Variants in TTN observed in about 807,000 individuals in gnomAD.
TTN encodes titin.
A neutral mutation model predicts 3,223.0 loss-of-function variants in TTN; 1,525 were observed. The ratio of observed to expected loss-of-function variants is 0.47; its 90% confidence interval spans 0.45 to 0.49. The LOEUF (loss-of-function observed/expected upper bound fraction) is 0.49, where lower values mean the gene tolerates loss of function less well. TTN is among the 20% of genes least tolerant of loss of function. The pLI is 0.00. For synonymous variants in TTN, 14,094 were observed against 15,161.0 expected (o/e 0.93, Z 5.17); for missense variants, 40,786 against 43,424.0 (o/e 0.94, Z 5.40).
Position 178,539,236 on chromosome 2 carries a change from G to C in TTN, c.98699C>G (p.Pro32900Arg), listed in dbSNP as rs1348881134. ...ATCGAGTACTTCTGGAGGATTGCTT[G>C]GAGGTTCTGGAGGATCTGTAAATAT... ...PKTPLNPPEP[P>R]SNPPEVLDVT... The change falls in exon 353 of 363, where the codon CCA becomes CGA. Residue 32900 changes from proline (P) to arginine (R), a missense_variant. Transcript: ENST00000589042. 6.2e-7 allele frequency: 1 copy of C among 1,612,880 alleles called. No homozygotes were observed.
intron 236 of TTN, 62 bp from the exon 237 acceptor site, chr2:178,631,362 G>A: frequency 2.0e-6 from 3 of 1,505,392 alleles, no homozygotes; most frequent in Non-Finnish European, 2.6e-6. Flanking sequence ...ACAATCTCTT[G>A]GAAAGTTTAA....
chr2:178,620,002 C>A lies in TTN; in HGVS notation c.46415G>T (p.Arg15472Ile). ...TTAATATGTACCTTCCACAAAAAGT[C>A]TAGCACGAGACTTCCTGTCTTCTAC... Reference protein sequence around the residue: ...CGVEDRKSRARLFVEEIPVEI... With the variant: ...CGVEDRKSRAILFVEEIPVEI... Residue 15472 changes from arginine (R) to isoleucine (I), a missense_variant, in exon 249 of 363, where the codon AGA (arginine) becomes ATA (isoleucine). Physicochemically the swap from Arg to Ile is moderately conservative, Grantham distance 97. Coordinates refer to ENST00000589042, the MANE Select transcript of TTN (RefSeq NM_001267550.2). 6.2e-7 allele frequency: 1 copy of A among 1,610,268 alleles called. No individual in the cohort carries two copies. The highest frequency in any genetic ancestry group is 8.5e-7 in the Non-Finnish European group (1 of 1,178,392).
chr2:178,799,681 G>C lies in TTN; in HGVS notation c.720C>G (p.Val240=), dbSNP rs564392322. ...DARSIATVEM[V]IDGAAGQQLP... The stretch of plus-strand genomic sequence containing the variant: ...GCTGTTGCCCAGCGGCACCATCTAT[G>C]ACCATCTCAACTGTTGCAATTGATC... Residue 240 remains valine, a synonymous_variant, in exon 6 of 363, where the codon GTC becomes GTG. Transcript: ENST00000589042. 3.7e-6 allele frequency: 6 copies of C among 1,614,088 alleles called. No individual in the cohort carries two copies. In the South Asian group the frequency reaches 4.4e-5, roughly 12 times the overall value.
At chr2:178,555,292 T>C in intron 330 of TTN, 140 bp from the exon 331 acceptor site, 1 of 844,564 alleles carries the variant, frequency 1.2e-6, no homozygotes, top group South Asian at 2.1e-5. Flanking sequence ...GCAATTATTA[T>C]TTAAAAATTA....
chr2:178,663,887 T>C lies in TTN; in HGVS notation c.36380A>G (p.Lys12127Arg). 3.1e-6 allele frequency: 5 copies of C among 1,613,400 alleles called. No individual in the cohort carries two copies. In the South Asian group the frequency reaches 4.4e-5, roughly 14 times the overall value. ...CACTTTCTCTTCGCGGATAACCTCT[T>C]TGGAAGCTTCTGGCACTTGAAAGAT... Reference protein sequence around the residue: ...VPPVKVPEASKEVIREEKVPL... With the variant: ...VPPVKVPEASREVIREEKVPL... The change falls in exon 170 of 363, where the codon AAA becomes AGA. Residue 12127 changes from lysine to arginine, a missense_variant. Transcript: ENST00000589042.
chr2:178,756,923 G>T lies in TTN; in HGVS notation c.10679-126C>A, dbSNP rs898248024. On this transcript the variant is annotated intron_variant, in intron 45 of 362. Coordinates refer to ENST00000589042, the MANE Select transcript of TTN (RefSeq NM_001267550.2). ...AAGACGTAGTTGTCACTTGAAAGCA[G>T]CATGCCAGATGCAATATGATCTAGA... 1.1e-5 allele frequency: 9 copies of T among 825,666 alleles called. No homozygotes were observed. In the African/African-American group the frequency reaches 1.4e-4, roughly 13 times the overall value. 51.1% of individuals were successfully genotyped at this position (825,666 alleles called of 1,614,324 possible).
chr2:178,766,659 G>C (rs1467516022), intron 40 of TTN, 47 bp from the exon 41 acceptor site: 2 of 1,482,706 alleles, frequency 1.3e-6, no homozygotes, highest in East Asian at 4.5e-5. Flanking sequence ...ACAAAAACTT[G>C]AAGCTCTGGT....
chr2:178,784,146 T>G lies in TTN; in HGVS notation c.2699A>C (p.Lys900Thr). The change falls in exon 16 of 363, where the codon AAG becomes ACG. Residue 900 changes from lysine to threonine, a missense_variant. Physicochemically the swap from Lys to Thr is moderately conservative, Grantham distance 78. Coordinates refer to ENST00000589042, the MANE Select transcript of TTN (RefSeq NM_001267550.2). ...YKSEAGVEVK[K>T]EVGVSITGTT... ...GCCAGTGATGCTCACCCCTACTTCC[T>G]TTTTCACCTCAACGCCAGCTTCACT... 1 of 1,614,080 alleles carries G rather than the reference T, an allele frequency of 6.2e-7. No homozygotes were observed. The highest frequency in any genetic ancestry group is 2.2e-5 in the East Asian group (1 of 44,876).
Position 178,794,398 on chromosome 2 carries a change from C to T in TTN, c.1398+1G>A. The T allele has an allele frequency of 6.2e-7, 1 of 1,614,156 alleles. No individual in the cohort carries two copies. Among genetic ancestry groups the T allele is most frequent in the East Asian group, 2.2e-5 (1 of 44,880 alleles). ...GTGCCCCATGGCAGCCTCGCACGTA[C>T]CTGTTCTTGAGCAGGTTGGATGTGC... On this transcript the variant is annotated splice_donor_variant, in intron 8 of 362. Coordinates refer to ENST00000589042, the MANE Select transcript of TTN (RefSeq NM_001267550.2). LOFTEE classifies it high-confidence loss of function.
At chr2:178,680,975 C>T in intron 138 of TTN, 104 bp downstream of exon 138, 2 of 1,039,242 alleles carry the variant, frequency 1.9e-6, no homozygotes, top group East Asian at 5.2e-5. Flanking sequence ...CTGCTGACAA[C>T]TAATTTAAAA....
chr2:178,671,418 T>C (rs902252720), intron 155 of TTN, among the ~76,000 whole-genome samples: 1 of 151,808 alleles, frequency 6.6e-6, no homozygotes. Context: ...GTGCAAGATC[T>C]AGAGTGGTAT....
At position 178,633,505 on chromosome 2, in the gene TTN, A is replaced by T; in HGVS notation, c.42854T>A (p.Ile14285Asn). ...AAGGTCCGCCTTTTTGATTTTTAAG[A>T]TGCGGCGCAGGCCATCTGCCTTGAT... ...YSIKADGLRR[I>N]LKIKKADLKD... is the part of the protein sequence containing the mutation. Residue 14285 changes from isoleucine (I) to asparagine (N), a missense_variant, in exon 232 of 363, where the codon ATC (isoleucine) becomes AAC (asparagine). Ile to Asn is a moderately radical substitution (Grantham distance 149). Coordinates refer to ENST00000589042, the MANE Select transcript of TTN (RefSeq NM_001267550.2). 2 of 1,613,372 alleles carry T rather than the reference A, an allele frequency of 1.2e-6. No individual in the cohort carries two copies. Among genetic ancestry groups the T allele is most frequent in the Non-Finnish European group, 1.7e-6 (2 of 1,179,600 alleles).
rs2154137156 is a variant in TTN, at chr2:178,536,029, G to A, written c.100718C>T (p.Thr33573Ile). The change falls in exon 357 of 363, where the codon ACC (threonine) becomes ATC (isoleucine). Residue 33573 changes from threonine to isoleucine, a missense_variant. By Grantham distance (89) the Thr-to-Ile change is moderately conservative. Transcript: ENST00000589042. ...DDATVYQVRATNQGGSVSGTA... is the reference protein window; with the variant it reads ...DDATVYQVRAINQGGSVSGTA... ...GCCAGACACAGATCCCCCTTGGTTG[G>A]TAGCTCTGACTTGGTAAACTGTGGC... 3 of 1,575,226 alleles carry A rather than the reference G, an allele frequency of 1.9e-6. No homozygotes were observed. The highest frequency in any genetic ancestry group is 2.4e-5 in the South Asian group (2 of 83,830).
Position 178,557,458 on chromosome 2 carries a change from T to A in TTN, c.87804A>T (p.Ala29268=). ...WHEPVSNGGS[A]VVGYHLEMKD... is the part of the protein sequence containing the mutation. ...TCATTTCCAGGTGATAGCCTACGAC[T>A]GCACTGCCTCCATTTGACACTGGTT... Residue 29268 remains alanine, a synonymous_variant, in exon 329 of 363, where the codon GCA becomes GCT. Coordinates refer to ENST00000589042, the MANE Select transcript of TTN (RefSeq NM_001267550.2). The A allele has an allele frequency of 6.2e-7, 1 of 1,613,960 alleles. No homozygotes were observed. Among genetic ancestry groups the A allele is most frequent in the Non-Finnish European group, 8.5e-7 (1 of 1,179,854 alleles).
At chr2:178,719,905 G>T in intron 81 of TTN, 73 bp from the exon 82 acceptor site, 1 of 1,544,672 alleles carries the variant, frequency 6.5e-7, no homozygotes, top group South Asian at 1.3e-5. Context: ...CTGAATTACT[G>T]GATAAGAGGA....
rs776312018 is a variant in TTN, at chr2:178,605,012, G to T, written c.54165C>A (p.Phe18055Leu). 6.2e-7 allele frequency: 1 copy of T among 1,601,124 alleles called. No homozygotes were observed. The highest frequency in any genetic ancestry group is 1.1e-5 in the South Asian group (1 of 89,302). ...VTASNRLGSV[F>L]RNVHVEVYDR... ...CATATACTTCAACGTGAACATTTCG[G>T]AACACTGAGCCAAGGCGATTGGAAG... Residue 18055 changes from phenylalanine to leucine, a missense_variant, in exon 280 of 363, where the codon TTC (phenylalanine) becomes TTA (leucine). By Grantham distance (22) the Phe-to-Leu change is conservative. Transcript: ENST00000589042.
At chr2:178,617,588 T>C in intron 253 of TTN, 76 bp from the exon 254 acceptor site, 2 of 1,441,414 alleles carry the variant, frequency 1.4e-6, no homozygotes, top group East Asian at 2.5e-5. Context: ...TAATCAATTA[T>C]ATCATCCTCA....
rs1476303971 is a variant in TTN, at chr2:178,621,471, A to T, written c.45349+4T>A. 3.1e-6 allele frequency: 5 copies of T among 1,611,788 alleles called. No homozygotes were observed. The highest frequency in any genetic ancestry group is 2.2e-5 in the South Asian group (2 of 90,938). The stretch of plus-strand genomic sequence containing the variant: ...TAAAAGATTATTCACTGTAGTTTTC[A>T]TACCATGTACTTTGACTTTGCCATC... On this transcript the variant is annotated splice_donor_region_variant and intron_variant, in intron 245 of 362. Transcript: ENST00000589042.
At chr2:178,727,948 T>G (rs2079645242) in intron 67 of TTN, 85 bp from the exon 68 acceptor site, 1 of 1,448,732 alleles carries the variant, frequency 6.9e-7, no homozygotes, top group African/African-American at 1.4e-5. Context: ...AAGAAAACAC[T>G]CTTGGAAAGA....
Sources: gnomAD v4.1 joint callset for allele counts (sites outside exome capture counted in the v4.1 genomes callset) on GRCh38, gnomAD v4.1.1 for gene constraint, MANE v1.5 for transcripts, NCBI Gene and HGNC (gene_info 2026-07-23, HGNC 2026-07-21) for gene names.